ITGA11: variants seen among roughly 807,000 people sequenced by gnomAD.
ITGA11 encodes integrin alpha-11.
A neutral mutation model predicts 141.9 loss-of-function variants in ITGA11; 97 were observed. The observed-to-expected ratio is 0.68, with a 90% CI of 0.58 to 0.81. The LOEUF is 0.81. ITGA11 is among the 30% of genes least tolerant of loss of function. ITGA11 has a pLI of 0.00. For synonymous variants in ITGA11, 658 were observed against 624.6 expected (o/e 1.05, Z -0.80); for missense variants, 1,387 against 1,559.2 (o/e 0.89, Z 1.86).
At position 68,324,181 on chromosome 15, in the gene ITGA11, G is replaced by A. The variant is rs945875179; in HGVS notation, c.2322+950C>T. Among the ~76,000 whole-genome samples the A allele has an allele frequency of 1.3e-5, 2 of 152,072 alleles. No individual in the cohort carries two copies. The highest frequency in any genetic ancestry group is 4.8e-5 in the African/African-American group (2 of 41,404). On this transcript the variant is annotated intron_variant, in intron 18 of 29. Coordinates refer to ENST00000315757, the MANE Select transcript of ITGA11 (RefSeq NM_001004439.2). The surrounding 1 kb of genome is among the most constrained non-coding windows in gnomAD (Gnocchi z 6.3). Reference sequence around the variant, plus strand: ...GGAGGTTTGGCAGGGGACTGTGGGAGGCCTGGGGAGAGGGGTGTGGAGGGG... The same window carrying A: ...GGAGGTTTGGCAGGGGACTGTGGGAAGCCTGGGGAGAGGGGTGTGGAGGGG...
intron 2 of ITGA11, among the ~76,000 whole-genome samples, chr15:68,373,972 T>C (rs985583476): frequency 6.6e-6 from 1 of 152,218 alleles, no homozygotes; most frequent in Non-Finnish European, 1.5e-5. Context: ...TTTTACTGCA[T>C]AGTAAGTCTG....
At chr15:68,364,838 G>T (rs1895366529) in intron 3 of ITGA11, 40 bp from the exon 4 acceptor site, 1 of 1,572,090 alleles carries the variant, frequency 6.4e-7, no homozygotes, top group Non-Finnish European at 8.7e-7. Context: ...GCCCCCTCCT[G>T]CCCGCCCTCT....
chr15:68,361,877 G>T (rs1056762197), intron 4 of ITGA11, 173 bp from the exon 5 acceptor site: 2 of 559,364 alleles, frequency 3.6e-6, no homozygotes, highest in South Asian at 2.1e-5. Flanking sequence ...GCTGCAATGT[G>T]TACTAGTTCC....
At chr15:68,360,072 T>C (rs1895193460) in intron 5 of ITGA11, among the ~76,000 whole-genome samples, 1 of 152,210 alleles carries the variant, frequency 6.6e-6, no homozygotes, top group African/African-American at 2.4e-5. Flanking sequence ...TTGGGCAACT[T>C]GAGTGCTCCG....
chr15:68,366,574 C>T (rs1029817435), intron 3 of ITGA11, among the ~76,000 whole-genome samples: 10 of 152,162 alleles, frequency 6.6e-5, no homozygotes, highest in African/African-American at 2.4e-4. Flanking sequence ...TCCTTCCTCC[C>T]TCTCCCCTGG....
chr15:68,372,374 G>A (rs898621134), intron 2 of ITGA11, among the ~76,000 whole-genome samples: 1 of 151,956 alleles, frequency 6.6e-6, no homozygotes, highest in Non-Finnish European at 1.5e-5. Flanking sequence ...CAGCCTCAGG[G>A]CCTGCTACGC....
intron 11 of ITGA11, among the ~76,000 whole-genome samples, chr15:68,337,415 CCCCTGTAGGGCTCCTCT>C (rs1894398322): frequency 6.6e-6 from 1 of 152,164 alleles, no homozygotes; most frequent in African/African-American, 2.4e-5. Flanking sequence ...TGGTCTCCTT[CCCCTGTAGGGCTCCTCT>C]CCCTTGAAAC....
chr15:68,353,622 T>A (rs7173815), intron 7 of ITGA11, among the ~76,000 whole-genome samples: 19,803 of 152,210 alleles, frequency 0.13, 1,389 homozygotes, highest in Middle Eastern at 0.17. Context: ...AATCATCAGA[T>A]TTTAAATTCG....
intron 14 of ITGA11, among the ~76,000 whole-genome samples, chr15:68,331,423 C>T (rs1894153177): frequency 1.3e-5 from 2 of 152,238 alleles, no homozygotes; most frequent in South Asian, 2.1e-4. Flanking sequence ...ACTGATAAAC[C>T]GTGTGGGCAA....
intron 15 of ITGA11, among the ~76,000 whole-genome samples, chr15:68,330,417 A>G (rs1894115620): frequency 6.6e-6 from 1 of 151,912 alleles, no homozygotes; most frequent in Non-Finnish European, 1.5e-5. Context: ...TGTTTTATAA[A>G]TGTTCTTTAT....
intron 2 of ITGA11, among the ~76,000 whole-genome samples, chr15:68,401,700 G>A (rs1896514998): frequency 6.6e-6 from 1 of 152,120 alleles, no homozygotes; most frequent in South Asian, 2.1e-4. Flanking sequence ...GCACTGGCTG[G>A]GGCGGGGGTG....
intron 10 of ITGA11, among the ~76,000 whole-genome samples, chr15:68,348,504 C>T (rs1165683067): frequency 1.3e-5 from 2 of 152,246 alleles, no homozygotes; most frequent in Non-Finnish European, 2.9e-5. Context: ...GGATTATTGT[C>T]TGTAGTCCAT....
At chr15:68,380,337 C>T (rs1234045074) in intron 2 of ITGA11, among the ~76,000 whole-genome samples, 3 of 152,194 alleles carry the variant, frequency 2.0e-5, no homozygotes, top group South Asian at 4.1e-4. Flanking sequence ...CGGTGAGTCA[C>T]CTGCCATCTC....
Position 68,321,395 on chromosome 15 carries a change from G to C in ITGA11, c.2408+23C>G, listed in dbSNP as rs1251714862. 4 of 1,497,600 alleles carry C rather than the reference G, an allele frequency of 2.7e-6. No homozygotes were observed. The highest frequency in any genetic ancestry group is 2.7e-6 in the Non-Finnish European group (3 of 1,102,468). 92.8% of individuals were successfully genotyped at this position (1,497,600 alleles called of 1,614,324 possible). A position where few individuals can be genotyped will look rare whatever the true frequency, so the allele number is the denominator to read the frequency against. ...GCAGTGAAGGGGAAGGGGCGAGGGT[G>C]GGGGTGGAAGGAGCCAACTCACATG... On this transcript the variant is annotated intron_variant, in intron 19 of 29. Coordinates refer to ENST00000315757, the MANE Select transcript of ITGA11 (RefSeq NM_001004439.2). The surrounding 1 kb of genome is among the most constrained non-coding windows in gnomAD (Gnocchi z 4.9).
At chr15:68,396,269 AT>A (rs1896239421) in intron 2 of ITGA11, among the ~76,000 whole-genome samples, 2 of 151,984 alleles carry the variant, frequency 1.3e-5, no homozygotes, top group Non-Finnish European at 2.9e-5. Context: ...CAATCAATCA[AT>A]CAATCAATCA....
chr15:68,392,211 T>C (rs1896139385), intron 2 of ITGA11, among the ~76,000 whole-genome samples: 1 of 152,214 alleles, frequency 6.6e-6, no homozygotes, highest in Admixed American at 6.5e-5. Context: ...GAGGAAGTGA[T>C]ATCTAAGTTG....
intron 7 of ITGA11, among the ~76,000 whole-genome samples, chr15:68,355,734 A>G (rs1895052068): frequency 6.6e-6 from 1 of 151,414 alleles, no homozygotes; most frequent in South Asian, 2.1e-4. Context: ...GGTCTGAGCC[A>G]CCGCACCTGG....
At chr15:68,383,701 A>G (rs1013631729) in intron 2 of ITGA11, among the ~76,000 whole-genome samples, 1 of 152,194 alleles carries the variant, frequency 6.6e-6, no homozygotes, top group African/African-American at 2.4e-5. Context: ...ATTCAAACCT[A>G]TGAAGTTATA....
In ITGA11 at chr15:68,335,782, C is replaced by T. The variant is rs781093851; in HGVS notation, c.1340G>A (p.Arg447Gln). 7.4e-6 allele frequency: 12 copies of T among 1,613,312 alleles called. No individual in the cohort carries two copies. Among genetic ancestry groups the T allele is most frequent in the East Asian group, 4.5e-5 (2 of 44,876 alleles). Residue 447 changes from arginine (R) to glutamine (Q), a missense_variant, in exon 12 of 30, where the codon CGG (arginine) becomes CAG (glutamine). Arg to Gln is a conservative substitution (Grantham distance 43). Transcript: ENST00000315757. This position sits in a 1 kb window ranked among gnomAD's most constrained non-coding sequence, Gnocchi z 4.9. ...GATGACCTTGCCCGTGTGGTTGAAC[C>T]GGGGGGCTCCGGCCACGTACACCCG... ...QGRVYVAGAP[R>Q]FNHTGKVILF...
Sources: gnomAD v4.1 joint callset for allele counts (sites outside exome capture counted in the v4.1 genomes callset) on GRCh38, gnomAD v4.1.1 for gene constraint, Gnocchi (gnomAD v3.1) non-coding constraint, MANE v1.5 for transcripts, NCBI Gene and HGNC (gene_info 2026-07-23, HGNC 2026-07-21) for gene names.